The following MAD1L1 variants were observed in gnomAD, a reference collection of about 807,000 sequenced individuals.
MAD1L1 encodes the protein mitotic spindle assembly checkpoint protein MAD1.
In MAD1L1, 95 loss-of-function variants were observed where a neutral mutation model predicts 96.9. The observed-to-expected ratio is 0.98, with a 90% confidence interval of 0.83 to 1.16. The LOEUF is 1.16. MAD1L1 is among the 50% of genes most tolerant of loss of function. The probability of loss-of-function intolerance (pLI) is 0.00; values close to 1 mark genes in which losing one functional copy is unlikely to be tolerated. For synonymous variants in MAD1L1, 473 were observed against 396.6 expected (o/e 1.19, Z -2.29); for missense variants, 1,007 against 954.4 (o/e 1.06, Z -0.73).
At chr7:1,882,245 C>A (rs1785729520) in intron 18 of MAD1L1, among the ~76,000 whole-genome samples, 1 of 152,172 alleles carries the variant, frequency 6.6e-6, no homozygotes, top group African/African-American at 2.4e-5. Context: ...GCAGAGGGCA[C>A]CTGGGAGATG....
chr7:1,993,109 CG>C (rs1781420704), intron 14 of MAD1L1, among the ~76,000 whole-genome samples: 1 of 152,310 alleles, frequency 6.6e-6, no homozygotes, highest in South Asian at 2.1e-4. Context: ...GTGGAATGCA[CG>C]GGGGACTTCA....
intron 10 of MAD1L1, among the ~76,000 whole-genome samples, chr7:2,177,435 A>G (rs1790998966): frequency 6.6e-6 from 1 of 152,200 alleles, no homozygotes; most frequent in Admixed American, 6.5e-5. Context: ...TTGTCTCAAC[A>G]TTGTACATCT....
chr7:1,920,382 G>A (rs1788708540), intron 17 of MAD1L1, among the ~76,000 whole-genome samples: 1 of 152,264 alleles, frequency 6.6e-6, no homozygotes, highest in African/African-American at 2.4e-5. Flanking sequence ...CAGGGGCAGA[G>A]AAAGTCGGGG....
intron 17 of MAD1L1, among the ~76,000 whole-genome samples, chr7:1,923,284 T>C (rs1788901289): frequency 6.6e-6 from 1 of 152,228 alleles, no homozygotes; most frequent in Admixed American, 6.5e-5. Flanking sequence ...GGTTGGGTGT[T>C]TGCCCTGGTG....
intron 18 of MAD1L1, among the ~76,000 whole-genome samples, chr7:1,870,710 AC>A (rs1468829694): frequency 1.4e-5 from 2 of 143,422 alleles, no homozygotes; most frequent in Non-Finnish European, 3.0e-5. Context: ...TACACCTGCC[AC>A]ACTGAACCCA....
chr7:2,172,766 G>A (rs1371017638), intron 10 of MAD1L1, among the ~76,000 whole-genome samples: 3 of 152,216 alleles, frequency 2.0e-5, no homozygotes, highest in African/African-American at 4.8e-5. Flanking sequence ...GTGGCTGGCC[G>A]CAGTCCCATC....
chr7:1,825,443 G>C (rs1583479037), intron 18 of MAD1L1, among the ~76,000 whole-genome samples: 1 of 152,264 alleles, frequency 6.6e-6, no homozygotes, highest in African/African-American at 2.4e-5. Flanking sequence ...CAGCCAGCTG[G>C]TTGGGGTGGG....
At chr7:1,938,661 A>G (rs1778740795) in intron 16 of MAD1L1, among the ~76,000 whole-genome samples, 1 of 152,186 alleles carries the variant, frequency 6.6e-6, no homozygotes, top group Admixed American at 6.6e-5. Flanking sequence ...GTGAGCAGAC[A>G]CTTCCCAAAA....
chr7:2,070,816 C>G (rs1158696941), intron 11 of MAD1L1, among the ~76,000 whole-genome samples: 2 of 152,262 alleles, frequency 1.3e-5, no homozygotes, highest in East Asian at 3.8e-4. Context: ...CCTCCACCCT[C>G]ACGTTCACAC....
chr7:1,920,669 T>C (rs535873959), intron 17 of MAD1L1, among the ~76,000 whole-genome samples: 1 of 152,168 alleles, frequency 6.6e-6, no homozygotes. Flanking sequence ...GTCAGCCACA[T>C]GTGCTGTCTA....
chr7:1,836,483 C>T (rs968013775), intron 18 of MAD1L1, among the ~76,000 whole-genome samples: 12 of 152,212 alleles, frequency 7.9e-5, no homozygotes, highest in African/African-American at 2.7e-4. Flanking sequence ...GAAAGCAGCC[C>T]TGTAGGTCTC....
intron 16 of MAD1L1, among the ~76,000 whole-genome samples, chr7:1,949,167 T>C (rs1779371982): frequency 6.6e-6 from 1 of 152,180 alleles, no homozygotes; most frequent in East Asian, 1.9e-4. Flanking sequence ...GCTGACACTC[T>C]GCGGTCCAGA....
chr7:2,015,223 G>C (rs1226812477), intron 12 of MAD1L1, among the ~76,000 whole-genome samples: 1 of 152,174 alleles, frequency 6.6e-6, no homozygotes, highest in Non-Finnish European at 1.5e-5. Context: ...CCCATCGCTC[G>C]TCCAACCGCC....
At chr7:2,124,728 G>A (rs1474614618) in intron 11 of MAD1L1, among the ~76,000 whole-genome samples, 1 of 152,158 alleles carries the variant, frequency 6.6e-6, no homozygotes, top group Non-Finnish European at 1.5e-5. Flanking sequence ...ACCCTCCTCT[G>A]GGTCAGGAGA....
intron 10 of MAD1L1, among the ~76,000 whole-genome samples, chr7:2,163,379 T>C (rs1020858245): frequency 1.3e-5 from 2 of 151,802 alleles, no homozygotes; most frequent in African/African-American, 4.9e-5. Flanking sequence ...GTATTCTTTG[T>C]TTTTTGTTTT....
chr7:1,892,661 TC>T (rs149576085), intron 18 of MAD1L1, among the ~76,000 whole-genome samples: 4,968 of 152,236 alleles, frequency 0.033, 185 homozygotes, highest in Admixed American at 0.095. Flanking sequence ...TGTATACCTT[TC>T]CCCCTCATCC....
intron 11 of MAD1L1, among the ~76,000 whole-genome samples, chr7:2,123,588 C>T (rs774519574): frequency 1.8e-4 from 27 of 152,270 alleles, no homozygotes; most frequent in South Asian, 4.1e-4. Context: ...GAGCCAGCCC[C>T]GCCAAGGGCA....
At chr7:1,973,574 G>A (rs949020644) in intron 15 of MAD1L1, among the ~76,000 whole-genome samples, 11 of 152,132 alleles carry the variant, frequency 7.2e-5, no homozygotes, top group Admixed American at 1.3e-4. Flanking sequence ...CCCTAGAGCG[G>A]GAATGTGTAC....
chr7:2,108,562 G>A (rs992712176), intron 11 of MAD1L1, among the ~76,000 whole-genome samples: 1 of 152,186 alleles, frequency 6.6e-6, no homozygotes, highest in African/African-American at 2.4e-5. Context: ...GAACATCTGT[G>A]TTTAGGTCTA....
Sources: allele counts gnomAD v4.1 joint callset (sites outside exome capture counted in the v4.1 genomes callset), GRCh38; gene constraint gnomAD v4.1.1; transcripts MANE v1.5; gene names NCBI Gene and HGNC (gene_info 2026-07-23, HGNC 2026-07-21).